Variants in JPH3 observed in about 807,000 individuals in gnomAD.
JPH3 encodes the protein junctophilin-3.
In JPH3, 11 loss-of-function variants were observed where a neutral mutation model predicts 59.6. The observed-to-expected ratio is 0.18, with a 90% CI of 0.12 to 0.31. The LOEUF is 0.31. Among genes scored for constraint, JPH3 ranks in the 10% least tolerant of loss-of-function variants. The pLI is 1.00. For synonymous variants in JPH3, 673 were observed against 483.6 expected (o/e 1.39, Z -5.14); for missense variants, 1,202 against 1,105.7 (o/e 1.09, Z -1.24).
intron 1 of JPH3, among the ~76,000 whole-genome samples, chr16:87,631,409 G>T (rs2031561886): frequency 6.6e-6 from 1 of 152,134 alleles, no homozygotes; most frequent in Non-Finnish European, 1.5e-5. Flanking sequence ...GGGCGGTGGG[G>T]GTGCAGTTTC....
chr16:87,671,673 C>T (rs1208026728), intron 2 of JPH3, among the ~76,000 whole-genome samples: 35 of 151,450 alleles, frequency 2.3e-4, no homozygotes, highest in Admixed American at 2.2e-3. Flanking sequence ...GCCCTGCACC[C>T]GGGCTCCCAG....
intron 1 of JPH3, among the ~76,000 whole-genome samples, chr16:87,637,713 G>A (rs1421416694): frequency 6.6e-6 from 1 of 152,056 alleles, no homozygotes; most frequent in East Asian, 1.9e-4. Context: ...AGGCCATTCC[G>A]CCTCGTGGTG....
chr16:87,676,954 G>A (rs1010659364), intron 2 of JPH3, among the ~76,000 whole-genome samples: 6 of 151,594 alleles, frequency 4.0e-5, no homozygotes, highest in African/African-American at 1.5e-4. Flanking sequence ...GGCGGATCAC[G>A]AGGTCAGGAG....
chr16:87,613,900 A>G (rs2544629), intron 1 of JPH3, among the ~76,000 whole-genome samples: 102,330 of 152,080 alleles, frequency 0.67, 36,018 homozygotes, highest in Non-Finnish European at 0.8. Context: ...TGAGGCTCAC[A>G]GGGTCACACT....
intron 2 of JPH3, among the ~76,000 whole-genome samples, chr16:87,648,476 G>T (rs1194225207): frequency 6.6e-6 from 1 of 152,152 alleles, no homozygotes; most frequent in South Asian, 2.1e-4. Context: ...CGCCCCGGCC[G>T]GCAGGGCTTG....
intron 1 of JPH3, among the ~76,000 whole-genome samples, chr16:87,630,874 T>C (rs2031544704): frequency 6.6e-6 from 1 of 152,244 alleles, no homozygotes; most frequent in African/African-American, 2.4e-5. Context: ...ATCTCAATAT[T>C]GCTATATTGC....
intron 1 of JPH3, among the ~76,000 whole-genome samples, chr16:87,613,290 G>A (rs2030805164): frequency 6.6e-6 from 1 of 151,240 alleles, no homozygotes; most frequent in South Asian, 2.1e-4. Flanking sequence ...TAGTAGAGAC[G>A]GGGTTTCACC....
At chr16:87,639,623 G>GT (rs1567593524) in intron 1 of JPH3, among the ~76,000 whole-genome samples, 180 of 121,708 alleles carry the variant, frequency 1.5e-3, no homozygotes, top group Admixed American at 4.0e-3. Flanking sequence ...CTCCCTCCTG[G>GT]CCTCCCTCCT....
At chr16:87,638,872 C>T (rs1227568924) in intron 1 of JPH3, among the ~76,000 whole-genome samples, 1 of 152,084 alleles carries the variant, frequency 6.6e-6, no homozygotes, top group Non-Finnish European at 1.5e-5. Context: ...AGGGAAGAAG[C>T]AGGGATCTGC....
intron 2 of JPH3, among the ~76,000 whole-genome samples, chr16:87,665,496 G>C (rs1334200035): frequency 6.6e-6 from 1 of 152,232 alleles, no homozygotes; most frequent in Non-Finnish European, 1.5e-5. Flanking sequence ...AGCTCTGAGG[G>C]AACAACCTCC....
At chr16:87,634,446 C>T (rs1039730297) in intron 1 of JPH3, among the ~76,000 whole-genome samples, 2 of 152,210 alleles carry the variant, frequency 1.3e-5, no homozygotes, top group Admixed American at 1.3e-4. Context: ...TTCTGAGTTC[C>T]CTCAGGGTGG....
chr16:87,622,622 C>T (rs1044114380), intron 1 of JPH3, among the ~76,000 whole-genome samples: 16 of 152,208 alleles, frequency 1.1e-4, no homozygotes, highest in South Asian at 6.2e-4. Context: ...CTGCCAGAGG[C>T]GGGCTCAGAA....
At chr16:87,660,809 A>C (rs546138538) in intron 2 of JPH3, among the ~76,000 whole-genome samples, 19 of 152,282 alleles carry the variant, frequency 1.2e-4, no homozygotes, top group African/African-American at 4.6e-4. Flanking sequence ...GGAGACAAAC[A>C]GCTCCACCCA....
chr16:87,666,570 AT>A (rs937644841), intron 2 of JPH3, among the ~76,000 whole-genome samples: 1 of 151,802 alleles, frequency 6.6e-6, no homozygotes, highest in African/African-American at 2.4e-5. Flanking sequence ...TTTCTTTAAA[AT>A]TTTTTTGTAG....
chr16:87,673,256 A>G lies in JPH3; in HGVS notation c.1161-10886A>G, dbSNP rs1384810979. ...AAAAATCAACCGCACTCTTAATAAC[A>G]GAAATGTAAATTAAAACTACAAGGA... On this transcript the variant is annotated intron_variant, in intron 2 of 4. Transcript: ENST00000284262. 1.3e-5 allele frequency among the ~76,000 whole-genome samples: 2 copies of G among 152,166 alleles called. 1 individual carries two copies. The highest frequency in any genetic ancestry group is 6.3e-3 in the Middle Eastern group (2 of 316).
At chr16:87,624,924 G>A (rs1405514485) in intron 1 of JPH3, among the ~76,000 whole-genome samples, 2 of 152,090 alleles carry the variant, frequency 1.3e-5, no homozygotes, top group Admixed American at 1.3e-4. Context: ...CTCAGCCTCC[G>A]AAGTAGCTGG....
At chr16:87,642,477 G>A (rs1189019929) in intron 1 of JPH3, among the ~76,000 whole-genome samples, 1 of 152,238 alleles carries the variant, frequency 6.6e-6, no homozygotes, top group Non-Finnish European at 1.5e-5. Flanking sequence ...TGAGTTGTTA[G>A]CAGGTAATTC....
chr16:87,648,856 C>T (rs1181060791), intron 2 of JPH3, among the ~76,000 whole-genome samples: 1 of 152,196 alleles, frequency 6.6e-6, no homozygotes, highest in African/African-American at 2.4e-5. Context: ...GACTTTGTCT[C>T]ATCATGTCTA....
In JPH3 at chr16:87,696,581, G is replaced by T; in HGVS notation, c.2168G>T (p.Gly723Val). ...ENGDELKSST[G>V]SAPILVVMVI... is the part of the protein sequence containing the mutation. ...CCTCTTCCCCTCGCTCTCTTCCAGG[G>T]CTCAGCGCCTATCCTGGTGGTCATG... The change falls in exon 5 of 5, where the codon GGC becomes GTC. Residue 723 changes from glycine to valine, a missense_variant and splice_region_variant. By Grantham distance (109) the Gly-to-Val change is moderately radical (BLOSUM62 -3). Coordinates refer to ENST00000284262, the MANE Select transcript of JPH3 (RefSeq NM_020655.4). 1 of 1,613,018 alleles carries T rather than the reference G, an allele frequency of 6.2e-7. No individual in the cohort carries two copies.
Sources: gnomAD v4.1 joint callset for allele counts (sites outside exome capture counted in the v4.1 genomes callset) on GRCh38, gnomAD v4.1.1 for gene constraint, MANE v1.5 for transcripts, NCBI Gene and HGNC (gene_info 2026-07-23, HGNC 2026-07-21) for gene names.